DACH2: variants seen among roughly 807,000 people sequenced by gnomAD.
DACH2 encodes the protein dachshund homolog 2.
In DACH2, 17 loss-of-function variants were observed where a neutral mutation model predicts 35.8. The observed-to-expected ratio is 0.48, with a 90% CI of 0.33 to 0.71. DACH2 has a LOEUF of 0.71. DACH2 is among the 30% of genes least tolerant of loss of function. The probability of loss-of-function intolerance (pLI) is 0.02; values close to 1 mark genes in which losing one functional copy is unlikely to be tolerated. For synonymous variants in DACH2, 195 were observed against 177.3 expected (o/e 1.10, Z -0.79); for missense variants, 469 against 472.7 (o/e 0.99, Z 0.07).
chrX:86,763,762 G>A (rs929120240), intron 7 of DACH2, among the ~76,000 whole-genome samples: 5 of 112,090 alleles, frequency 4.5e-5, no homozygotes, highest in Admixed American at 9.5e-5. Flanking sequence ...CAGGAAAGAG[G>A]TGTAAGGGGA....
At chrX:86,515,404 G>A (rs962523976) in intron 3 of DACH2, among the ~76,000 whole-genome samples, 1 of 110,024 alleles carries the variant, frequency 9.1e-6, no homozygotes, top group African/African-American at 3.3e-5. Context: ...AGAATCAGAG[G>A]AAGAGCATTC....
At chrX:86,268,096 C>A (rs2033743582) in intron 1 of DACH2, among the ~76,000 whole-genome samples, 1 of 112,057 alleles carries the variant, frequency 8.9e-6, no homozygotes, top group Admixed American at 9.5e-5. Context: ...CAAAAAATTT[C>A]TTTCAAGAAG....
chrX:86,552,822 A>G (rs1180186379), intron 3 of DACH2, among the ~76,000 whole-genome samples: 2 of 111,134 alleles, frequency 1.8e-5, no homozygotes, highest in African/African-American at 6.5e-5. Flanking sequence ...ACAGCATTGA[A>G]AGACCCATAG....
At chrX:86,163,384 C>CT (rs1456263365) in intron 1 of DACH2, among the ~76,000 whole-genome samples, 1 of 95,643 alleles carries the variant, frequency 1.0e-5, no homozygotes, top group Non-Finnish European at 2.1e-5. Context: ...GGGTCTCACT[C>CT]TTTTTTATGG....
At chrX:86,484,397 G>A (rs903105476) in intron 2 of DACH2, among the ~76,000 whole-genome samples, 1 of 111,702 alleles carries the variant, frequency 9.0e-6, no homozygotes, top group Admixed American at 9.6e-5. Flanking sequence ...TGTTGGCATT[G>A]TTGGCAGTTC....
Position 86,281,377 on chromosome X carries a change from C to T in DACH2, c.489-95447C>T, listed in dbSNP as rs370514700. On this transcript the variant is annotated intron_variant, in intron 1 of 11. Transcript: ENST00000373125. ...AAATTAATAAATGTAATCCATCACA[C>T]GAACAGAACCAGTGACAAAAACCAC... Among the ~76,000 whole-genome samples, 58 of 111,498 alleles carry T rather than the reference C, an allele frequency of 5.2e-4. 1 individual carries two copies. The East Asian group carries it at 5.9e-3, about 11-fold the overall frequency.
intron 1 of DACH2, among the ~76,000 whole-genome samples, chrX:86,201,780 A>G (rs1396497596): frequency 9.2e-6 from 1 of 108,823 alleles, no homozygotes; most frequent in Non-Finnish European, 1.9e-5. Flanking sequence ...CTAAATTTAT[A>G]CAACTTGGCA....
chrX:86,327,200 G>T (rs1345838045), intron 1 of DACH2, among the ~76,000 whole-genome samples: 1 of 111,862 alleles, frequency 8.9e-6, no homozygotes, highest in Non-Finnish European at 1.9e-5. Context: ...CAGGAGATCT[G>T]CCCAATATTC....
chrX:86,451,404 TC>T (rs898340044), intron 2 of DACH2, among the ~76,000 whole-genome samples: 1 of 111,335 alleles, frequency 9.0e-6, no homozygotes, highest in Non-Finnish European at 1.9e-5. Flanking sequence ...TCTATTCTGT[TC>T]CATTGGTCTA....
chrX:86,323,918 C>A (rs1471180612), intron 1 of DACH2, among the ~76,000 whole-genome samples: 1 of 111,678 alleles, frequency 9.0e-6, no homozygotes, highest in Non-Finnish European at 1.9e-5. Flanking sequence ...TAAAATAGTT[C>A]TTTGAGAGAA....
intron 7 of DACH2, among the ~76,000 whole-genome samples, chrX:86,807,693 G>A (rs1027806936): frequency 3.6e-5 from 4 of 111,822 alleles, no homozygotes; most frequent in Non-Finnish European, 7.5e-5. Flanking sequence ...AAAAGATTTA[G>A]CAAGTTAAAA....
intron 1 of DACH2, among the ~76,000 whole-genome samples, chrX:86,172,223 C>T (rs1381573034): frequency 2.7e-5 from 3 of 111,965 alleles, no homozygotes; most frequent in Non-Finnish European, 3.8e-5. Flanking sequence ...AAATCTGATC[C>T]TTAGAAGTGT....
intron 2 of DACH2, among the ~76,000 whole-genome samples, chrX:86,462,085 C>T (rs1330725226): frequency 9.0e-6 from 1 of 111,282 alleles, no homozygotes; most frequent in Non-Finnish European, 1.9e-5. Context: ...TTACCATCTA[C>T]ACTTGGATAC....
intron 7 of DACH2, among the ~76,000 whole-genome samples, chrX:86,803,726 C>A (rs2042316356): frequency 9.2e-6 from 1 of 108,821 alleles, no homozygotes; most frequent in Non-Finnish European, 1.9e-5. Context: ...AAGTCACTAC[C>A]CTCAAAAAGA....
chrX:86,701,786 T>C (rs1387692128), intron 5 of DACH2, among the ~76,000 whole-genome samples: 1 of 111,501 alleles, frequency 9.0e-6, no homozygotes, highest in East Asian at 2.8e-4. Flanking sequence ...ATACAACTTA[T>C]TCTCACTCAA....
chrX:86,750,140 A>G (rs929861765), intron 7 of DACH2, among the ~76,000 whole-genome samples: 1 of 111,317 alleles, frequency 9.0e-6, no homozygotes, highest in African/African-American at 3.3e-5. Flanking sequence ...TTGAATAGAC[A>G]TGGTGAGAGT....
At chrX:86,505,965 G>A (rs1373723823) in intron 2 of DACH2, among the ~76,000 whole-genome samples, 1 of 111,958 alleles carries the variant, frequency 8.9e-6, no homozygotes, top group African/African-American at 3.2e-5. Context: ...GAATAGTGAT[G>A]TGATTTGCCT....
chrX:86,254,949 G>A (rs1364300163), intron 1 of DACH2, among the ~76,000 whole-genome samples: 10 of 107,565 alleles, frequency 9.3e-5, no homozygotes, highest in Non-Finnish European at 1.9e-4. Context: ...AGAGGCAGGT[G>A]GTGCCATTAG....
chrX:86,789,163 G>T (rs2042165093), intron 7 of DACH2, among the ~76,000 whole-genome samples: 1 of 111,916 alleles, frequency 8.9e-6, no homozygotes, highest in South Asian at 3.7e-4. Context: ...GTTGTGATTT[G>T]TTATTACAAA....
Sources: gnomAD v4.1 joint callset for allele counts (sites outside exome capture counted in the v4.1 genomes callset) on GRCh38, gnomAD v4.1.1 for gene constraint, MANE v1.5 for transcripts, NCBI Gene and HGNC (gene_info 2026-07-23, HGNC 2026-07-21) for gene names.